The following KIAA1217 variants were observed in gnomAD, a reference collection of about 807,000 sequenced individuals.
KIAA1217 encodes sickle tail protein homolog.
KIAA1217 carries 88 observed loss-of-function variants against 163.9 expected under a neutral mutation model. That is an observed-to-expected ratio of 0.54 (90% confidence interval 0.45 to 0.64). KIAA1217 has a LOEUF of 0.64. Ranked by LOEUF, KIAA1217 falls within the 30% of genes least tolerant of loss-of-function variation. The pLI, the probability that KIAA1217 is intolerant of heterozygous loss-of-function variation, is 0.00. For synonymous variants in KIAA1217, 903 were observed against 923.1 expected (o/e 0.98, Z 0.39); for missense variants, 2,372 against 2,475.0 (o/e 0.96, Z 0.88).
Position 23,863,308 on chromosome 10 carries a change from G to A in KIAA1217, c.-320-143917G>A, listed in dbSNP as rs76987497. On this transcript the variant is annotated intron_variant, in intron 1 of 18. Transcript: ENST00000376462. ...TTGCTCTTCCTCCATTAGTGGCATC[G>A]CTACCTGCTATGGTTTGAATGTGTC... Among the ~76,000 whole-genome samples the A allele has an allele frequency of 1.1e-4, 16 of 152,250 alleles. No homozygotes were observed. In the South Asian group the frequency reaches 1.9e-3, roughly 18 times the overall value.
chr10:24,161,003 T>G (rs1432859937), intron 2 of KIAA1217, among the ~76,000 whole-genome samples: 1 of 152,222 alleles, frequency 6.6e-6, no homozygotes, highest in Admixed American at 6.5e-5. Flanking sequence ...TTTCTGTGAG[T>G]GCTTGACTTT....
chr10:23,998,505 G>A (rs1846602888), intron 1 of KIAA1217, among the ~76,000 whole-genome samples: 1 of 152,224 alleles, frequency 6.6e-6, no homozygotes, highest in Admixed American at 6.5e-5. Flanking sequence ...CCGACCTGGG[G>A]TGATTCCCCA....
intron 2 of KIAA1217, among the ~76,000 whole-genome samples, chr10:24,094,954 C>T (rs963792310): frequency 1.3e-5 from 2 of 152,230 alleles, no homozygotes; most frequent in Non-Finnish European, 1.5e-5. Flanking sequence ...GCCCCTCCCC[C>T]AGCCTGGCTG....
At chr10:24,175,413 T>C (rs1035451384) in intron 2 of KIAA1217, among the ~76,000 whole-genome samples, 13 of 151,662 alleles carry the variant, frequency 8.6e-5, no homozygotes, top group Admixed American at 2.6e-4. Flanking sequence ...CTCCTTTTTA[T>C]GGCTGAATGT....
intron 1 of KIAA1217, among the ~76,000 whole-genome samples, chr10:23,754,099 G>A (rs1460528857): frequency 1.3e-5 from 2 of 152,192 alleles, no homozygotes; most frequent in African/African-American, 4.8e-5. Context: ...AGGCTGAGCT[G>A]TGAGCACCTG....
intron 1 of KIAA1217, among the ~76,000 whole-genome samples, chr10:23,985,229 C>A (rs921939427): frequency 1.5e-4 from 23 of 152,268 alleles, no homozygotes; most frequent in African/African-American, 5.5e-4. Context: ...CTTTAGTAGA[C>A]CTTTTCCTGA....
chr10:24,520,648 AAAAATAT>A (rs1327026289), intron 11 of KIAA1217, among the ~76,000 whole-genome samples: 1 of 87,306 alleles, frequency 1.1e-5, no homozygotes, highest in East Asian at 4.2e-4. Flanking sequence ...AAAAAAAAAA[AAAAATAT>A]ATATATATAT....
chr10:24,361,395 G>A (rs1457648670), intron 2 of KIAA1217, among the ~76,000 whole-genome samples: 3 of 152,026 alleles, frequency 2.0e-5, no homozygotes, highest in Non-Finnish European at 4.4e-5. Flanking sequence ...AACATGTTGC[G>A]CAGGCTGGCC....
At chr10:24,323,340 T>G (rs1389174424) in intron 2 of KIAA1217, among the ~76,000 whole-genome samples, 4 of 152,196 alleles carry the variant, frequency 2.6e-5, no homozygotes, top group Non-Finnish European at 4.4e-5. Context: ...ATGCATCTAT[T>G]TAATTTATAC....
intron 6 of KIAA1217, among the ~76,000 whole-genome samples, chr10:24,476,320 T>G (rs2064036021): frequency 1.3e-5 from 2 of 152,146 alleles, no homozygotes; most frequent in African/African-American, 4.8e-5. Context: ...TCTGCTGACC[T>G]GTGGAGTCAT....
chr10:24,305,178 G>A (rs774726477), intron 2 of KIAA1217, among the ~76,000 whole-genome samples: 36 of 152,164 alleles, frequency 2.4e-4, no homozygotes, highest in Non-Finnish European at 4.9e-4. Context: ...GGAGAGGAGA[G>A]CACAAAATTG....
At chr10:24,507,800 C>T (rs2068561996) in intron 9 of KIAA1217, among the ~76,000 whole-genome samples, 2 of 152,150 alleles carry the variant, frequency 1.3e-5, no homozygotes, top group African/African-American at 4.8e-5. Context: ...TGCACCAAAG[C>T]ACATGGTAGT....
At chr10:23,950,900 T>C (rs1194140734) in intron 1 of KIAA1217, among the ~76,000 whole-genome samples, 2 of 152,202 alleles carry the variant, frequency 1.3e-5, no homozygotes, top group Non-Finnish European at 2.9e-5. Context: ...TAGCATACCA[T>C]AGGCATAAAT....
chr10:23,786,556 A>G (rs1835505158), intron 1 of KIAA1217, among the ~76,000 whole-genome samples: 1 of 151,814 alleles, frequency 6.6e-6, no homozygotes, highest in Admixed American at 6.6e-5. Context: ...AAAAAAAATT[A>G]GTTACAATAG....
chr10:23,899,412 G>C (rs1841857968), intron 1 of KIAA1217, among the ~76,000 whole-genome samples: 3 of 152,034 alleles, frequency 2.0e-5, no homozygotes, highest in Non-Finnish European at 4.4e-5. Context: ...TTTTCTGATT[G>C]CTAATGAAGT....
At chr10:24,175,729 A>G (rs996142436) in intron 2 of KIAA1217, among the ~76,000 whole-genome samples, 11 of 152,078 alleles carry the variant, frequency 7.2e-5, no homozygotes, top group African/African-American at 2.7e-4. Context: ...TGGTGGGTTC[A>G]TGGTCTTGCT....
chr10:24,162,867 A>G (rs2065180592), intron 2 of KIAA1217, among the ~76,000 whole-genome samples: 1 of 152,116 alleles, frequency 6.6e-6, no homozygotes, highest in East Asian at 1.9e-4. Flanking sequence ...TGAGTGTCTC[A>G]CTTCCTTGCT....
chr10:24,068,314 C>G (rs1564661106), intron 2 of KIAA1217, among the ~76,000 whole-genome samples: 1 of 152,156 alleles, frequency 6.6e-6, no homozygotes, highest in Non-Finnish European at 1.5e-5. Flanking sequence ...TTCTTCAGCT[C>G]CAAGATTTCT....
chr10:24,294,587 G>A (rs868481243), intron 2 of KIAA1217, among the ~76,000 whole-genome samples: 41 of 152,334 alleles, frequency 2.7e-4, no homozygotes, highest in African/African-American at 9.6e-4. Flanking sequence ...AAACACCAGC[G>A]TAGTCAGTGG....
Sources: gnomAD v4.1 joint callset for allele counts (sites outside exome capture counted in the v4.1 genomes callset) on GRCh38, gnomAD v4.1.1 for gene constraint, MANE v1.5 for transcripts, NCBI Gene and HGNC (gene_info 2026-07-23, HGNC 2026-07-21) for gene names.